Variants in SNX18 observed in about 807,000 individuals in gnomAD.
The protein encoded by SNX18 is sorting nexin 18.
A neutral mutation model predicts 48.7 loss-of-function variants in SNX18; 35 were observed. That is an observed-to-expected ratio of 0.72 (90% CI 0.55 to 0.95). The LOEUF is 0.95. Among genes scored for constraint, SNX18 ranks in the 40% least tolerant of loss-of-function variants. The pLI, the probability that SNX18 is intolerant of heterozygous loss-of-function variation, is 0.00. For synonymous variants in SNX18, 492 were observed against 384.7 expected, an observed-to-expected ratio of 1.28 and a Z score of -3.26; for missense variants, 824 against 871.0, an observed-to-expected ratio of 0.95 and a Z score of 0.68.
At chr5:54,640,103 C>G in the SNX18 span, among the ~76,000 whole-genome samples, 1 of 152,276 alleles carries the variant, frequency 6.6e-6, no homozygotes, top group East Asian at 1.9e-4. Flanking sequence ...ATCTTATCCC[C>G]TGGCAGAATG....
the SNX18 span, among the ~76,000 whole-genome samples, chr5:54,560,260 A>G: frequency 3.3e-5 from 5 of 152,360 alleles, 1 homozygote; most frequent in Admixed American, 2.6e-4. Flanking sequence ...GATAAAGAAA[A>G]TGTTGTACAT....
the SNX18 span, among the ~76,000 whole-genome samples, chr5:54,560,817 T>C: frequency 3.5e-3 from 538 of 152,208 alleles, 15 homozygotes; most frequent in Non-Finnish European, 1.1e-3. Context: ...GTGACAATCA[T>C]GTCTGCGAAA....
the SNX18 span, among the ~76,000 whole-genome samples, chr5:54,565,244 G>A: frequency 6.6e-6 from 1 of 152,172 alleles, no homozygotes; most frequent in Admixed American, 6.5e-5. Flanking sequence ...CCCATTTGGG[G>A]GACCATTATT....
chr5:54,599,531 C>T, the SNX18 span, among the ~76,000 whole-genome samples: 218 of 152,170 alleles, frequency 1.4e-3, 1 homozygote, highest in African/African-American at 5.1e-3. Context: ...CAAGTCAATT[C>T]TAAAGAAAAA....
chr5:54,574,422 C>T, the SNX18 span, among the ~76,000 whole-genome samples: 1 of 152,170 alleles, frequency 6.6e-6, no homozygotes, highest in South Asian at 2.1e-4. Context: ...GACCCCAGCT[C>T]CCAAAGGTAG....
At chr5:54,524,577 T>C (rs1580095813) in intron 1 of SNX18, among the ~76,000 whole-genome samples, 1 of 152,236 alleles carries the variant, frequency 6.6e-6, no homozygotes, top group East Asian at 1.9e-4. Context: ...AATAAAAAAC[T>C]ATTATTGTAT....
the SNX18 span, among the ~76,000 whole-genome samples, chr5:54,567,854 C>T: frequency 2.4e-4 from 36 of 152,278 alleles, no homozygotes; most frequent in Non-Finnish European, 5.3e-4. Flanking sequence ...GGGACTCCCT[C>T]CACCTTCAGA....
At chr5:54,616,344 T>A in the SNX18 span, among the ~76,000 whole-genome samples, 6 of 152,242 alleles carry the variant, frequency 3.9e-5, no homozygotes, top group African/African-American at 1.2e-4. Flanking sequence ...ACTGCTTCCC[T>A]ATTTTCCAGG....
At chr5:54,642,510 T>C in the SNX18 span, among the ~76,000 whole-genome samples, 1 of 152,148 alleles carries the variant, frequency 6.6e-6, no homozygotes. Flanking sequence ...AGGGTCAACG[T>C]GGGGCAACTG....
intron 1 of SNX18, among the ~76,000 whole-genome samples, chr5:54,530,451 T>C (rs1341118623): frequency 2.0e-5 from 3 of 152,168 alleles, no homozygotes; most frequent in Non-Finnish European, 4.4e-5. Flanking sequence ...TTGCCTTAAG[T>C]TGAGACTGGT....
chr5:54,596,559 T>C, the SNX18 span, among the ~76,000 whole-genome samples: 2 of 152,174 alleles, frequency 1.3e-5, no homozygotes, highest in African/African-American at 4.8e-5. Context: ...AAGTTCATAC[T>C]CATTGCTAGC....
Position 54,518,109 on chromosome 5 carries a change from G to T in SNX18, c.157G>T (p.Ala53Ser). 1 of 1,510,086 alleles carries T rather than the reference G, an allele frequency of 6.6e-7. No homozygotes were observed. 93.5% of individuals were successfully genotyped at this position (1,510,086 alleles called of 1,614,324 possible). ...CCGCGGCGACCGCGGCCTCTTCCCG[G>T]CCTCCTATGTGCAGGTGATCCGCGC... ...NSRGDRGLFP[A>S]SYVQVIRAPE... is the part of the protein sequence containing the mutation. Residue 53 changes from alanine (A) to serine (S), a missense_variant, in exon 1 of 2, where the codon GCC (alanine) becomes TCC (serine). Transcript: ENST00000381410.
rs193248839 is a variant in SNX18 at position 54,544,880 on chromosome 5, A to T, written c.*1448A>T. ...CACTGTTAGAGTATCTACTGTTTTT[A>T]TGAAGTCAAACTTATGCTGCCTCAG... On this transcript the variant is annotated 3_prime_UTR_variant, in exon 2 of 2. Coordinates refer to ENST00000381410, the MANE Select transcript of SNX18 (RefSeq NM_001102575.2). 6.6e-6 allele frequency: 1 copy of T among 152,130 alleles called. No homozygotes were observed. The highest frequency in any genetic ancestry group is 1.5e-5 in the Non-Finnish European group (1 of 68,012). 9.4% of individuals were successfully genotyped at this position (152,130 alleles called of 1,614,324 possible). A position where few individuals can be genotyped will look rare whatever the true frequency, so the allele number is the denominator to read the frequency against.
chr5:54,555,932 C>T, the SNX18 span, among the ~76,000 whole-genome samples: 1 of 151,980 alleles, frequency 6.6e-6, no homozygotes. Flanking sequence ...ATTTGCTATA[C>T]ATTTATAAGC....
chr5:54,645,340 G>T, the SNX18 span: 1 of 152,234 alleles, frequency 6.6e-6, no homozygotes, highest in African/African-American at 2.4e-5. Context: ...GAGACATATA[G>T]ATACTGTGTA....
chr5:54,637,867 A>G, the SNX18 span, among the ~76,000 whole-genome samples: 4 of 152,338 alleles, frequency 2.6e-5, no homozygotes, highest in South Asian at 8.3e-4. Flanking sequence ...AACCTAAGTC[A>G]GAGTAGAGAG....
the SNX18 span, among the ~76,000 whole-genome samples, chr5:54,558,086 T>C: frequency 6.6e-6 from 1 of 152,128 alleles, no homozygotes; most frequent in Admixed American, 6.5e-5. Flanking sequence ...ATAATTGACC[T>C]ATTTTGCAGG....
the SNX18 span, among the ~76,000 whole-genome samples, chr5:54,619,192 T>C: frequency 2.0e-5 from 3 of 152,094 alleles, no homozygotes; most frequent in African/African-American, 7.2e-5. Flanking sequence ...AAGTTAGCAA[T>C]TTCAGATGAC....
At chr5:54,619,985 T>C in the SNX18 span, among the ~76,000 whole-genome samples, 2 of 152,160 alleles carry the variant, frequency 1.3e-5, no homozygotes, top group Admixed American at 1.3e-4. Context: ...AGCTATTTGT[T>C]TGGGAACAAA....
Sources: allele counts gnomAD v4.1 joint callset (sites outside exome capture counted in the v4.1 genomes callset), GRCh38; gene constraint gnomAD v4.1.1; transcripts MANE v1.5; gene names NCBI Gene and HGNC (gene_info 2026-07-23, HGNC 2026-07-21).